Variants in LRFN5 observed in about 807,000 individuals in gnomAD.
LRFN5 encodes leucine rich repeat and fibronectin type III domain containing 5, also known as leucine-rich repeat and fibronectin type-III domain-containing protein 5.
Under a neutral mutation model 45.6 loss-of-function variants are expected in LRFN5, and 24 were observed. The ratio of observed to expected loss-of-function variants is 0.53; its 90% confidence interval spans 0.38 to 0.74. The LOEUF (loss-of-function observed/expected upper bound fraction) is 0.74, where lower values mean the gene tolerates loss of function less well. Ranked by LOEUF, LRFN5 falls within the 30% of genes least tolerant of loss-of-function variation. LRFN5 has a pLI of 0.00. For missense variants in LRFN5, 776 were observed against 861.5 expected (o/e 0.90, Z 1.24); for synonymous variants, 340 against 313.8 (o/e 1.08, Z -0.88).
chr14:41,640,473 GT>G (rs1158964075), intron 1 of LRFN5, among the ~76,000 whole-genome samples: 1 of 151,948 alleles, frequency 6.6e-6, no homozygotes, highest in Non-Finnish European at 1.5e-5. Context: ...TTCTCAAATG[GT>G]TTCTATCATG....
chr14:41,848,490 A>C (rs1396236761), intron 2 of LRFN5, among the ~76,000 whole-genome samples: 2 of 68,504 alleles, frequency 2.9e-5, no homozygotes, highest in African/African-American at 1.6e-4. Context: ...TCTCTTCTGC[A>C]TTATTTTTTT....
At position 41,891,497 on chromosome 14, in the gene LRFN5, A is replaced by G. The variant is rs1007778384; in HGVS notation, c.1633A>G (p.Ile545Val). ...GIIVASVLVFIIILMIRYKVC... is the reference protein window; with the variant it reads ...GIIVASVLVFVIILMIRYKVC... ...CATTGTAGCATCTGTGCTGGTATTC[A>G]TCATTATTCTGATGATCCGGTATAA... The change falls in exon 4 of 6, where the codon ATC (isoleucine) becomes GTC (valine). Residue 545 changes from isoleucine to valine, a missense_variant. By Grantham distance (29) the Ile-to-Val change is conservative. Coordinates refer to ENST00000298119, the MANE Select transcript of LRFN5 (RefSeq NM_152447.5). 1 of 1,614,192 alleles carries G rather than the reference A, an allele frequency of 6.2e-7. No individual in the cohort carries two copies. The highest frequency in any genetic ancestry group is 1.3e-5 in the African/African-American group (1 of 75,054).
At chr14:41,857,676 G>A (rs1016827445) in intron 2 of LRFN5, among the ~76,000 whole-genome samples, 14 of 152,088 alleles carry the variant, frequency 9.2e-5, no homozygotes, top group African/African-American at 3.4e-4. Flanking sequence ...CACATACTCT[G>A]GACTTGTTCA....
chr14:41,900,392 A>G (rs1277825546), intron 5 of LRFN5, among the ~76,000 whole-genome samples: 1 of 152,010 alleles, frequency 6.6e-6, no homozygotes, highest in Non-Finnish European at 1.5e-5. Context: ...TGGAATTTAG[A>G]CTTTCTTTGG....
intron 3 of LRFN5, among the ~76,000 whole-genome samples, chr14:41,890,722 A>AAAT (rs1555330154): frequency 4.7e-5 from 7 of 150,184 alleles, no homozygotes; most frequent in African/African-American, 4.9e-5. Context: ...AAAAAAAAAA[A>AAAT]ACTTTAATCT....
At chr14:41,776,380 G>T (rs933818176) in intron 2 of LRFN5, among the ~76,000 whole-genome samples, 1 of 152,060 alleles carries the variant, frequency 6.6e-6, no homozygotes. Flanking sequence ...CCCCGTTTTG[G>T]TGTCTTCTGA....
chr14:41,877,952 A>G (rs1349905955), intron 2 of LRFN5, among the ~76,000 whole-genome samples: 1 of 152,100 alleles, frequency 6.6e-6, no homozygotes, highest in Non-Finnish European at 1.5e-5. Flanking sequence ...CCATATTACT[A>G]GTGACTGTTA....
At chr14:41,741,224 G>GAA (rs138712153) in intron 1 of LRFN5, among the ~76,000 whole-genome samples, 5 of 151,382 alleles carry the variant, frequency 3.3e-5, no homozygotes, top group Admixed American at 6.7e-5. Context: ...AAGTCTAATA[G>GAA]AAAAAAATCC....
At chr14:41,753,251 T>C (rs187761379) in intron 1 of LRFN5, among the ~76,000 whole-genome samples, 3,874 of 151,468 alleles carry the variant, frequency 0.026, 164 homozygotes, top group African/African-American at 0.088. Context: ...CGATGCGGGC[T>C]CTTTTTTGGT....
At chr14:41,729,325 C>T (rs933419676) in intron 1 of LRFN5, among the ~76,000 whole-genome samples, 2 of 152,122 alleles carry the variant, frequency 1.3e-5, no homozygotes, top group African/African-American at 4.8e-5. Flanking sequence ...CCCATTCTTG[C>T]CATATGACAT....
At chr14:41,820,006 T>C (rs1038989324) in intron 2 of LRFN5, among the ~76,000 whole-genome samples, 1 of 151,936 alleles carries the variant, frequency 6.6e-6, no homozygotes, top group Non-Finnish European at 1.5e-5. Flanking sequence ...TTCTTTTAGA[T>C]GCTGGAAATT....
chr14:41,904,309 A>G lies in LRFN5; in HGVS notation c.*134A>G, dbSNP rs1891190070. ...GTAGAAGAAATTGTCTACAGGAGCC[A>G]AGGTGAAAGTCTCTGATGACGGCGG... On this transcript the variant is annotated 3_prime_UTR_variant, in exon 6 of 6. Transcript: ENST00000298119. The G allele has an allele frequency of 9.2e-7, 1 of 1,087,976 alleles. No individual in the cohort carries two copies. Among genetic ancestry groups the G allele is most frequent in the South Asian group, 1.3e-5 (1 of 75,840 alleles). The allele number at this position is 1,087,976 out of a possible 1,614,324, so 67.4% of individuals were successfully genotyped here. A position where few individuals can be genotyped will look rare whatever the true frequency, so the allele number is the denominator to read the frequency against.
At position 41,828,281 on chromosome 14, in the gene LRFN5, C is replaced by T. The variant is rs1018909862; in HGVS notation, c.-20-58325C>T. On this transcript the variant is annotated intron_variant, in intron 2 of 5. Coordinates refer to ENST00000298119, the MANE Select transcript of LRFN5 (RefSeq NM_152447.5). ...TATAGGATATTAATTAACCTAATAACGTGTGTTTTCTCAAAAAAATAATAT... is the reference window on the plus strand; with the variant it reads ...TATAGGATATTAATTAACCTAATAATGTGTGTTTTCTCAAAAAAATAATAT... Among the ~76,000 whole-genome samples the T allele has an allele frequency of 1.2e-4, 18 of 151,814 alleles. 1 individual carries two copies. Among genetic ancestry groups the T allele is most frequent in the African/African-American group, 3.6e-4 (15 of 41,358 alleles).
At chr14:41,608,793 G>A (rs1375253589) in intron 1 of LRFN5, among the ~76,000 whole-genome samples, 2 of 152,150 alleles carry the variant, frequency 1.3e-5, no homozygotes, top group African/African-American at 2.4e-5. Flanking sequence ...ATATGGATGT[G>A]CTCCACCCTG....
At chr14:41,848,254 G>GA (rs1424475566) in intron 2 of LRFN5, among the ~76,000 whole-genome samples, 2 of 151,980 alleles carry the variant, frequency 1.3e-5, no homozygotes, top group African/African-American at 4.8e-5. Flanking sequence ...AACAAACATT[G>GA]AAAACCTGTC....
intron 2 of LRFN5, among the ~76,000 whole-genome samples, chr14:41,832,934 G>A (rs1333230669): frequency 2.0e-5 from 3 of 152,102 alleles, no homozygotes; most frequent in Admixed American, 2.0e-4. Flanking sequence ...AGTCAAATCT[G>A]CATCCATAAT....
intron 2 of LRFN5, among the ~76,000 whole-genome samples, chr14:41,841,300 T>C (rs1888850681): frequency 6.6e-6 from 1 of 151,936 alleles, no homozygotes; most frequent in African/African-American, 2.4e-5. Context: ...GAATTATACT[T>C]CATGTAAGAG....
At chr14:41,690,404 T>C (rs567113367) in intron 1 of LRFN5, among the ~76,000 whole-genome samples, 6 of 152,080 alleles carry the variant, frequency 3.9e-5, no homozygotes, top group African/African-American at 1.4e-4. Flanking sequence ...AAATACAAAA[T>C]TAGCCGGGCA....
At chr14:41,819,380 T>G (rs950565685) in intron 2 of LRFN5, among the ~76,000 whole-genome samples, 3 of 152,108 alleles carry the variant, frequency 2.0e-5, no homozygotes, top group African/African-American at 7.2e-5. Flanking sequence ...CATATTAACA[T>G]CTATTGATTT....
Sources: gnomAD v4.1 joint callset for allele counts (sites outside exome capture counted in the v4.1 genomes callset) on GRCh38, gnomAD v4.1.1 for gene constraint, MANE v1.5 for transcripts, NCBI Gene and HGNC (gene_info 2026-07-23, HGNC 2026-07-21) for gene names.